The following FGF14 variants were observed in gnomAD, a reference collection of about 807,000 sequenced individuals.
The protein encoded by FGF14 is fibroblast growth factor homologous factor 4.
In FGF14, 5 loss-of-function variants were observed where a neutral mutation model predicts 25.5. The observed-to-expected ratio is 0.20, with a 90% confidence interval of 0.10 to 0.41. FGF14 has a LOEUF of 0.41. Among genes scored for constraint, FGF14 ranks in the 10% least tolerant of loss-of-function variants. The pLI, the probability that FGF14 is intolerant of heterozygous loss-of-function variation, is 1.00. For missense variants in FGF14, 222 were observed against 320.1 expected (o/e 0.69, Z 2.34); for synonymous variants, 138 against 118.3 (o/e 1.17, Z -1.08).
rs144328951 is a variant in FGF14, at chr13:102,078,712, G to A, written c.209-203416C>T. Among the ~76,000 whole-genome samples the A allele has an allele frequency of 5.7e-4, 87 of 152,292 alleles. No individual in the cohort carries two copies. The Middle Eastern group carries it at 0.014, about 24-fold the overall frequency. ...AGACAATGTAGCACAGCTATAGAGA[G>A]TTAAAAGCTGGAGGAATGGTGAGCC... On this transcript the variant is annotated intron_variant, in intron 1 of 4. Transcript: ENST00000376131.
intron 2 of FGF14, among the ~76,000 whole-genome samples, chr13:101,871,457 C>T (rs1483737796): frequency 6.6e-6 from 1 of 152,102 alleles, no homozygotes; most frequent in Admixed American, 6.6e-5. Context: ...GAACTGCCGT[C>T]CTAAATCCTG....
At chr13:101,912,843 C>T (rs2033087194) in intron 1 of FGF14, among the ~76,000 whole-genome samples, 1 of 151,920 alleles carries the variant, frequency 6.6e-6, no homozygotes, top group South Asian at 2.1e-4. Context: ...TAGCTTGGGC[C>T]TATTAACCTT....
At chr13:101,793,361 T>C (rs2040347175) in intron 3 of FGF14, among the ~76,000 whole-genome samples, 1 of 152,202 alleles carries the variant, frequency 6.6e-6, no homozygotes, top group Non-Finnish European at 1.5e-5. Context: ...TCACTTAGCA[T>C]AATGTTCTCC....
intron 1 of FGF14, among the ~76,000 whole-genome samples, chr13:102,291,107 T>A (rs1432866533): frequency 6.6e-6 from 1 of 152,254 alleles, no homozygotes; most frequent in Non-Finnish European, 1.5e-5. Context: ...TTCTTGTGCA[T>A]GACTCTAAAA....
chr13:102,396,486 T>G (rs1043914217), intron 1 of FGF14, among the ~76,000 whole-genome samples: 3 of 152,248 alleles, frequency 2.0e-5, no homozygotes, highest in Admixed American at 6.5e-5. Context: ...AAACATTGGT[T>G]GTTGTCCTTG....
intron 1 of FGF14, among the ~76,000 whole-genome samples, chr13:102,302,409 G>A (rs536950313): frequency 7.9e-5 from 12 of 152,126 alleles, no homozygotes; most frequent in African/African-American, 2.6e-4. Flanking sequence ...GTGCTGTAAA[G>A]ATCAGCCTGC....
intron 3 of FGF14, among the ~76,000 whole-genome samples, chr13:101,737,906 A>G (rs2036293256): frequency 6.6e-6 from 1 of 152,184 alleles, no homozygotes; most frequent in South Asian, 2.1e-4. Context: ...CCACTTATTT[A>G]TATAAATAGA....
intron 1 of FGF14, among the ~76,000 whole-genome samples, chr13:102,227,201 C>A (rs2050862646): frequency 6.6e-6 from 1 of 152,144 alleles, no homozygotes; most frequent in Admixed American, 6.6e-5. Flanking sequence ...ACTAGGGAAT[C>A]CTATAGGCTA....
Position 102,208,755 on chromosome 13 carries a change from C to T in FGF14, c.208+192716G>A, listed in dbSNP as rs919295667. Among the ~76,000 whole-genome samples the T allele has an allele frequency of 8.3e-4, 126 of 152,156 alleles. 2 individuals carry two copies. Among genetic ancestry groups the T allele is most frequent in the Non-Finnish European group, 1.0e-3 (70 of 68,004 alleles). ...TGAAAGGAGATCATCCAAGACATAA[C>T]CAAAATATTATTGACTCATTAGTAA... On this transcript the variant is annotated intron_variant, in intron 1 of 4. Coordinates refer to the FGF14 transcript ENST00000376131.
chr13:102,197,653 CATAT>C (rs544440005), intron 1 of FGF14, among the ~76,000 whole-genome samples: 4 of 151,658 alleles, frequency 2.6e-5, no homozygotes, highest in Admixed American at 6.6e-5. Flanking sequence ...TATATTTACA[CATAT>C]ATAGATACAT....
intron 1 of FGF14, among the ~76,000 whole-genome samples, chr13:102,393,988 G>A (rs2058498875): frequency 6.6e-6 from 1 of 152,226 alleles, no homozygotes; most frequent in Non-Finnish European, 1.5e-5. Context: ...GACTGGGTGT[G>A]AACGTTATGG....
At chr13:101,971,651 C>T (rs190406031) in intron 1 of FGF14, among the ~76,000 whole-genome samples, 1 of 152,126 alleles carries the variant, frequency 6.6e-6, no homozygotes, top group Non-Finnish European at 1.5e-5. Context: ...GGATTATAGG[C>T]GTGAGCCACC....
chr13:102,291,520 G>C (rs1321857159), intron 1 of FGF14, among the ~76,000 whole-genome samples: 3 of 152,120 alleles, frequency 2.0e-5, no homozygotes, highest in Non-Finnish European at 4.4e-5. Context: ...ATTCACCAGA[G>C]TAAATAAATA....
intron 1 of FGF14, among the ~76,000 whole-genome samples, chr13:102,186,418 A>C (rs1682955606): frequency 6.6e-6 from 1 of 152,182 alleles, no homozygotes; most frequent in South Asian, 2.1e-4. Flanking sequence ...CACTAGGTAT[A>C]ATCTGCCTGC....
At chr13:102,222,373 C>T (rs2050651246) in intron 1 of FGF14, among the ~76,000 whole-genome samples, 1 of 152,272 alleles carries the variant, frequency 6.6e-6, no homozygotes, top group South Asian at 2.1e-4. Context: ...TCTGGTCAAC[C>T]ATTATTTGTT....
intron 1 of FGF14, among the ~76,000 whole-genome samples, chr13:101,952,611 CT>C (rs909449702): frequency 6.6e-6 from 1 of 152,116 alleles, no homozygotes; most frequent in Non-Finnish European, 1.5e-5. Flanking sequence ...TCATAGAGCT[CT>C]TTTTTTCCCT....
chr13:102,259,701 CAT>C (rs981399834), intron 1 of FGF14, among the ~76,000 whole-genome samples: 7 of 152,166 alleles, frequency 4.6e-5, no homozygotes, highest in East Asian at 1.9e-4. Context: ...AGGTTCGCCA[CAT>C]ATGTTTTTTA....
intron 1 of FGF14, among the ~76,000 whole-genome samples, chr13:102,074,771 C>T (rs969194954): frequency 2.0e-5 from 3 of 152,062 alleles, no homozygotes; most frequent in African/African-American, 7.3e-5. Context: ...GGGATGTGAA[C>T]ATAGTTCAAC....
At position 102,386,894 on chromosome 13, in the gene FGF14, C is replaced by A. The variant is rs565995234; in HGVS notation, c.208+14577G>T. Among the ~76,000 whole-genome samples the A allele has an allele frequency of 9.9e-5, 15 of 152,280 alleles. No homozygotes were observed. In the South Asian group the frequency reaches 2.7e-3, roughly 27 times the overall value. On this transcript the variant is annotated intron_variant, in intron 1 of 4. Coordinates refer to the FGF14 transcript ENST00000376131. ...TGTCTATTGCATTCGCACTCATTTG[C>A]GAAAAGTTTGATTAAATCACTACTC...
Sources: allele counts gnomAD v4.1 joint callset (sites outside exome capture counted in the v4.1 genomes callset), GRCh38; gene constraint gnomAD v4.1.1; transcripts MANE v1.5; gene names NCBI Gene and HGNC (gene_info 2026-07-23, HGNC 2026-07-21).